The following AARS1 variants were observed in gnomAD, a reference collection of about 807,000 sequenced individuals.
AARS1 encodes alanine--tRNA ligase, cytoplasmic.
A neutral mutation model predicts 108.9 loss-of-function variants in AARS1; 72 were observed. That is an observed-to-expected ratio of 0.66 (90% CI 0.55 to 0.80). AARS1 has a LOEUF of 0.80. Among genes scored for constraint, AARS1 ranks in the 30% least tolerant of loss-of-function variants. AARS1 has a pLI of 0.00. For missense variants in AARS1, 1,193 were observed against 1,233.2 expected (o/e 0.97, Z 0.49); for synonymous variants, 489 against 465.7 (o/e 1.05, Z -0.64).
chr16:70,273,679 G>A (rs945429082), intron 4 of AARS1, among the ~76,000 whole-genome samples: 1 of 151,762 alleles, frequency 6.6e-6, no homozygotes, highest in African/African-American at 2.4e-5. Flanking sequence ...TGGCTGACAC[G>A]GTGAAACCCC....
rs1309636452 is a variant in AARS1 at position 70,276,399 on chromosome 16, C to A, written c.479+87G>T. The A allele has an allele frequency of 3.4e-6, 5 of 1,457,860 alleles. No homozygotes were observed. The East Asian group carries it at 1.1e-4, about 33-fold the overall frequency. The allele number at this position is 1,457,860 out of a possible 1,614,324, so 90.3% of individuals were successfully genotyped here. Reference sequence around the variant, plus strand: ...AAAGGAACCCTGAGATGCAAAATGACCACATATTCCAGGTCATAAAACCCC... The same window carrying A: ...AAAGGAACCCTGAGATGCAAAATGAACACATATTCCAGGTCATAAAACCCC... On this transcript the variant is annotated intron_variant, in intron 4 of 20. Coordinates refer to ENST00000261772, the MANE Select transcript of AARS1 (RefSeq NM_001605.3).
intron 4 of AARS1, among the ~76,000 whole-genome samples, chr16:70,275,389 G>T (rs1169146260): frequency 6.6e-6 from 1 of 152,086 alleles, no homozygotes; most frequent in Non-Finnish European, 1.5e-5. Flanking sequence ...GCCACGGCGG[G>T]CAGATCACGA....
intron 2 of AARS1, among the ~76,000 whole-genome samples, chr16:70,277,432 G>C (rs1327908720): frequency 2.0e-5 from 3 of 152,170 alleles, no homozygotes; most frequent in Non-Finnish European, 4.4e-5. Flanking sequence ...AACAGCCACA[G>C]GTTGATGTGG....
In AARS1 at chr16:70,252,535, C is replaced by T; in HGVS notation, c.*186G>A. On this transcript the variant is annotated 3_prime_UTR_variant, in exon 21 of 21. Transcript: ENST00000261772. ...GGTTAGTGGTTCTAGACCGATGGCA[C>T]TGACGTGGAGGGCTCAGGGCAGAAA... 1.6e-6 allele frequency: 1 copy of T among 643,554 alleles called. No homozygotes were observed. The highest frequency in any genetic ancestry group is 2.7e-6 in the Non-Finnish European group (1 of 366,262). The allele number at this position is 643,554 out of a possible 1,614,324, so 39.9% of individuals were successfully genotyped here. A position where few individuals can be genotyped will look rare whatever the true frequency, so the allele number is the denominator to read the frequency against.
intron 4 of AARS1, among the ~76,000 whole-genome samples, chr16:70,273,476 G>C (rs1960460243): frequency 1.3e-5 from 2 of 152,288 alleles, no homozygotes; most frequent in South Asian, 4.1e-4. Flanking sequence ...CCAGCAATTT[G>C]AAAGGTCAAG....
At chr16:70,273,687 C>T (rs1233921876) in intron 4 of AARS1, among the ~76,000 whole-genome samples, 1 of 151,642 alleles carries the variant, frequency 6.6e-6, no homozygotes, top group African/African-American at 2.4e-5. Flanking sequence ...ACGGTGAAAC[C>T]CCGTCTCTAC....
intron 1 of AARS1, among the ~76,000 whole-genome samples, chr16:70,285,621 G>A (rs1363556839): frequency 6.6e-6 from 1 of 152,048 alleles, no homozygotes; most frequent in Non-Finnish European, 1.5e-5. Context: ...GCTAATGTTT[G>A]TATTTTTAAT....
chr16:70,268,218 C>G, intron 8 of AARS1, 53 bp downstream of exon 8: 1 of 1,519,852 alleles, frequency 6.6e-7, no homozygotes, highest in South Asian at 1.1e-5. Context: ...CCCACTCCAT[C>G]CCTCTTAACG....
chr16:70,276,712 A>G, intron 3 of AARS1, 81 bp from the exon 4 acceptor site: 3 of 1,472,032 alleles, frequency 2.0e-6, no homozygotes, highest in Non-Finnish European at 2.8e-6. Flanking sequence ...CTAGGAACAC[A>G]GATACAAAAT....
At chr16:70,254,264 T>C (rs1959923357) in intron 17 of AARS1, 2 of 633,996 alleles carry the variant, frequency 3.2e-6, no homozygotes, top group Admixed American at 2.6e-5. Context: ...GCCCGGTCCT[T>C]ACCAGGCTGG....
chr16:70,254,136 G>A (rs1434431814), intron 17 of AARS1, 98 bp from the exon 18 acceptor site: 22 of 1,533,378 alleles, frequency 1.4e-5, no homozygotes, highest in Non-Finnish European at 1.9e-5. Flanking sequence ...CCTGACTAGT[G>A]TCCTGGAAAG....
At position 70,261,401 on chromosome 16, in the gene AARS1, G is replaced by C. The variant is rs917570014; in HGVS notation, c.1672-244C>G. On this transcript the variant is annotated intron_variant, in intron 12 of 20. Transcript: ENST00000261772. ...ACCTGAGGCCAGGAGTTCGAGACCA[G>C]CTTGGCCAACATGGTGAAATCCCAT... 6.0e-5 allele frequency: 22 copies of C among 364,006 alleles called. 1 individual carries two copies. Among genetic ancestry groups the C allele is most frequent in the Admixed American group, 7.7e-5 (2 of 26,128 alleles). 22.5% of individuals were successfully genotyped at this position (364,006 alleles called of 1,614,324 possible). A position where few individuals can be genotyped will look rare whatever the true frequency, so the allele number is the denominator to read the frequency against.
rs763779591 is a variant in AARS1, at chr16:70,253,317, G to A, written c.2672C>T (p.Thr891Met). The A allele has an allele frequency of 3.7e-6, 6 of 1,614,092 alleles. No homozygotes were observed. The highest frequency in any genetic ancestry group is 2.2e-5 in the East Asian group (1 of 44,896). Residue 891 changes from threonine to methionine, a missense_variant, in exon 20 of 21, where the codon ACG (threonine) becomes ATG (methionine). Thr to Met is a moderately conservative substitution (Grantham distance 81). Transcript: ENST00000261772. ...HSPQTSAMLFTVDNEAGKITC... is the reference protein window; with the variant it reads ...HSPQTSAMLFMVDNEAGKITC... ...GATCTTGCCAGCCTCATTGTCCACCGTGAAGAGCATGGCAGAAGTCTGAGG... is the reference window on the plus strand; with the variant it reads ...GATCTTGCCAGCCTCATTGTCCACCATGAAGAGCATGGCAGAAGTCTGAGG...
At chr16:70,274,349 G>A (rs8060812) in intron 4 of AARS1, among the ~76,000 whole-genome samples, 10,523 of 150,046 alleles carry the variant, frequency 0.07, 1,209 homozygotes, top group African/African-American at 0.24. Context: ...CTCAAAAAAA[G>A]AAAAAAAAAT....
At chr16:70,286,585 C>G (rs1000335935) in intron 1 of AARS1, among the ~76,000 whole-genome samples, 1 of 152,116 alleles carries the variant, frequency 6.6e-6, no homozygotes, top group African/African-American at 2.4e-5. Flanking sequence ...CGCCTATAAT[C>G]CCAGTACTTT....
intron 4 of AARS1, among the ~76,000 whole-genome samples, chr16:70,273,863 CAAAAAAAAAAAAA>C (rs71385651): frequency 1.3e-4 from 7 of 54,262 alleles, no homozygotes; most frequent in Non-Finnish European, 1.3e-4. Context: ...ACTCCGTCTC[CAAAAAAAAAAAAA>C]AAAAAAAAAA....
intron 1 of AARS1, among the ~76,000 whole-genome samples, chr16:70,285,232 A>G (rs1305597005): frequency 6.6e-6 from 1 of 152,040 alleles, no homozygotes; most frequent in Non-Finnish European, 1.5e-5. Flanking sequence ...CCGTCTAAAA[A>G]AAAAAAAAAA....
At chr16:70,261,584 C>T (rs556439333) in intron 12 of AARS1, among the ~76,000 whole-genome samples, 1 of 134,172 alleles carries the variant, frequency 7.5e-6, no homozygotes, top group African/African-American at 3.0e-5. Context: ...GGCTACAGAG[C>T]GAGACTCCAT....
At chr16:70,270,115 A>AT in intron 6 of AARS1, 81 bp downstream of exon 6, 3 of 1,558,348 alleles carry the variant, frequency 1.9e-6, no homozygotes, top group Non-Finnish European at 2.7e-6. Flanking sequence ...GCATATGGTC[A>AT]TTTTTTCTTT....
Sources: gnomAD v4.1 joint callset for allele counts (sites outside exome capture counted in the v4.1 genomes callset) on GRCh38, gnomAD v4.1.1 for gene constraint, MANE v1.5 for transcripts, NCBI Gene and HGNC (gene_info 2026-07-23, HGNC 2026-07-21) for gene names.